Variants in ZNF724 observed in about 807,000 individuals in gnomAD.
ZNF724 encodes the protein zinc finger protein 724 pseudogene.
Under a neutral mutation model 29.3 loss-of-function variants are expected in ZNF724, and 14 were observed. That is an observed-to-expected ratio of 0.48 (90% CI 0.32 to 0.75). The LOEUF (loss-of-function observed/expected upper bound fraction) is 0.75. Among genes scored for constraint, ZNF724 ranks in the 30% least tolerant of loss-of-function variants. The pLI is 0.04. For synonymous variants in ZNF724, 180 were observed against 193.6 expected (o/e 0.93, Z 0.58); for missense variants, 557 against 571.2 (o/e 0.98, Z 0.25).
chr19:23,237,964 T>C (rs1192559292), intron 1 of ZNF724, among the ~76,000 whole-genome samples: 2 of 152,318 alleles, frequency 1.3e-5, no homozygotes, highest in South Asian at 2.1e-4. Context: ...CTGCATCTTT[T>C]AGTCTTTATC....
chr19:23,250,135 T>C, intron 1 of ZNF724, 105 bp downstream of exon 1: 2 of 551,890 alleles, frequency 3.6e-6, no homozygotes, highest in Non-Finnish European at 7.4e-6. Context: ...CAGGGCGCAG[T>C]TTGTGGAGAT....
At chr19:23,246,577 C>T (rs1972239998) in intron 1 of ZNF724, among the ~76,000 whole-genome samples, 2 of 151,880 alleles carry the variant, frequency 1.3e-5, no homozygotes, top group African/African-American at 2.4e-5. Context: ...ATTGCTTAAA[C>T]CCGGAGTCGG....
At chr19:23,235,335 G>A (rs1057417537) in intron 1 of ZNF724, among the ~76,000 whole-genome samples, 7 of 152,072 alleles carry the variant, frequency 4.6e-5, no homozygotes, top group African/African-American at 1.7e-4. Flanking sequence ...ACAGATGACA[G>A]GGATACAGAA....
Position 23,222,536 on chromosome 19 carries a change from G to C in ZNF724, c.1709C>G (p.Ala570Gly), listed in dbSNP as rs776109625. The change falls in exon 4 of 4, where the codon GCC (alanine) becomes GGC (glycine). Residue 570 changes from alanine to glycine, a missense_variant. Physicochemically the swap from Ala to Gly is moderately conservative, Grantham distance 60. Transcript: ENST00000418100. ...KPYKCEECGK[A>G]FNWSSTLTKH... is the part of the protein sequence containing the mutation. ...AGTCAGAGTTGAGGACCAATTAAAG[G>C]CTTTGCCACATTCTTCACATTTGTA... The C allele has an allele frequency of 7.3e-7, 1 of 1,363,912 alleles. No homozygotes were observed. Among genetic ancestry groups the C allele is most frequent in the South Asian group, 1.2e-5 (1 of 85,680 alleles). The allele number at this position is 1,363,912 out of a possible 1,614,324, so 84.5% of individuals were successfully genotyped here.
Position 23,232,169 on chromosome 19 carries a change from A to T in ZNF724, c.128T>A (p.Leu43Gln), listed in dbSNP as rs1185889180. The change falls in exon 2 of 4, where the codon CTG (leucine) becomes CAG (glutamine). Residue 43 changes from leucine to glutamine, a missense_variant and splice_region_variant. Leu to Gln is a moderately radical substitution (Grantham distance 113). Around this residue, in one of 3 missense-constraint regions of ZNF724, gnomAD observed 25 missense variants for 54.9 expected, o/e 0.46. Transcript: ENST00000418100. The stretch of plus-strand genomic sequence containing the variant: ...TTGTGTATTGAAGTTATTCTCACCC[A>T]GGAAGACCAGGTTTCTGTAGTTCTC... ...MLENYRNLVF[L>Q]GIAVSKPDLI... The T allele has an allele frequency of 7.5e-7, 1 of 1,342,172 alleles. No homozygotes were observed. Among genetic ancestry groups the T allele is most frequent in the African/African-American group, 1.4e-5 (1 of 69,526 alleles). 83.1% of individuals were successfully genotyped at this position (1,342,172 alleles called of 1,614,324 possible).
At chr19:23,239,366 A>G (rs1216327520) in intron 1 of ZNF724, among the ~76,000 whole-genome samples, 2 of 152,234 alleles carry the variant, frequency 1.3e-5, no homozygotes, top group Non-Finnish European at 2.9e-5. Context: ...GTCATACCAA[A>G]CACACACTTA....
rs563650616 is a variant in ZNF724 at position 23,222,848 on chromosome 19, G to A, written c.1397C>T (p.Thr466Ile). 2.1e-6 allele frequency: 3 copies of A among 1,413,308 alleles called. No homozygotes were observed. The highest frequency in any genetic ancestry group is 2.8e-5 in the African/African-American group (2 of 70,832). 87.5% of individuals were successfully genotyped at this position (1,413,308 alleles called of 1,614,324 possible). ...GKAFKRSSNL[T>I]EHRIIHTGEK... ...TCCAGTATGAATTATCCTATGTTCAGTAAGGTTTGAGGACCGCTTAAAAGC... is the reference window on the plus strand; with the variant it reads ...TCCAGTATGAATTATCCTATGTTCAATAAGGTTTGAGGACCGCTTAAAAGC... Residue 466 changes from threonine to isoleucine, a missense_variant, in exon 4 of 4, where the codon ACT becomes ATT. Transcript: ENST00000418100.
intron 3 of ZNF724, among the ~76,000 whole-genome samples, chr19:23,227,648 T>A (rs1282364336): frequency 2.6e-5 from 4 of 151,902 alleles, no homozygotes; most frequent in Non-Finnish European, 5.9e-5. Flanking sequence ...TTAAAGCCTC[T>A]GATATATAAA....
chr19:23,233,813 C>G (rs895421886), intron 1 of ZNF724, among the ~76,000 whole-genome samples: 3 of 148,680 alleles, frequency 2.0e-5, no homozygotes, highest in African/African-American at 7.5e-5. Context: ...AAAAAAAATG[C>G]CACTTTTTCC....
At chr19:23,238,715 C>T (rs1272390963) in intron 1 of ZNF724, among the ~76,000 whole-genome samples, 1 of 152,170 alleles carries the variant, frequency 6.6e-6, no homozygotes, top group African/African-American at 2.4e-5. Context: ...AGAAGACCAG[C>T]CTGGCCATCA....
chr19:23,249,825 C>T (rs985648450), intron 1 of ZNF724, among the ~76,000 whole-genome samples: 1 of 152,166 alleles, frequency 6.6e-6, no homozygotes, highest in African/African-American at 2.4e-5. Flanking sequence ...TGAACCAAAG[C>T]GCCCGGCCTG....
rs1031119413 is a variant in ZNF724, at chr19:23,223,639, T to C, written c.606A>G (p.Glu202=). Residue 202 remains glutamate, a synonymous_variant, in exon 4 of 4, where the codon GAA becomes GAG. Transcript: ENST00000418100. ...HTTVNSYKLE[E]CGKAFNVSST... ...AGGACACATTAAAGGCCTTGCCACA[T>C]TCTTCAAGTTTGTAGGAATTGACAG... The C allele has an allele frequency of 1.5e-5, 11 of 714,492 alleles. No homozygotes were observed. The Admixed American group carries it at 2.2e-4, about 14-fold the overall frequency. The allele number at this position is 714,492 out of a possible 1,614,324, so 44.3% of individuals were successfully genotyped here.
intron 1 of ZNF724, among the ~76,000 whole-genome samples, chr19:23,237,516 C>A (rs1972041172): frequency 6.6e-6 from 1 of 151,636 alleles, no homozygotes; most frequent in African/African-American, 2.4e-5. Flanking sequence ...AGTTATAATA[C>A]TTTATATTTC....
intron 1 of ZNF724, among the ~76,000 whole-genome samples, chr19:23,246,982 G>T (rs953605057): frequency 1.3e-5 from 2 of 152,120 alleles, no homozygotes; most frequent in African/African-American, 4.8e-5. Context: ...CAGCACTTTG[G>T]GAGGCCGAGG....
At chr19:23,248,857 T>C (rs1972292504) in intron 1 of ZNF724, among the ~76,000 whole-genome samples, 1 of 151,842 alleles carries the variant, frequency 6.6e-6, no homozygotes, top group Non-Finnish European at 1.5e-5. Flanking sequence ...TAGCCGGGCA[T>C]GGTGGTGGGC....
In ZNF724 at chr19:23,222,175, A is replaced by T. The variant is rs570116289; in HGVS notation, c.*210T>A. The T allele has an allele frequency of 2.0e-5, 9 of 453,876 alleles. No individual in the cohort carries two copies. The South Asian group carries it at 3.3e-4, about 17-fold the overall frequency. 28.1% of individuals were successfully genotyped at this position (453,876 alleles called of 1,614,324 possible). On this transcript the variant is annotated 3_prime_UTR_variant, in exon 4 of 4. Transcript: ENST00000418100. The stretch of plus-strand genomic sequence containing the variant: ...GTTTCCTCTACTATATTTTACCTAC[A>T]ATCAAGTATGACAACCATTTAAAGG...
At chr19:23,248,792 C>T (rs558652840) in intron 1 of ZNF724, among the ~76,000 whole-genome samples, 2 of 151,962 alleles carry the variant, frequency 1.3e-5, no homozygotes, top group African/African-American at 4.8e-5. Flanking sequence ...GTCAAAAGGT[C>T]GAGACCAGCC....
intron 1 of ZNF724, among the ~76,000 whole-genome samples, chr19:23,249,523 T>A (rs113184918): frequency 0.016 from 2,438 of 151,960 alleles, 59 homozygotes; most frequent in African/African-American, 0.055. Context: ...GTCAGCCTCC[T>A]GAGTAGCTGG....
chr19:23,223,478 C>T lies in ZNF724; in HGVS notation c.767G>A (p.Arg256His), dbSNP rs1345982228. Reference sequence around the variant, plus strand: ...GTTAAAAGCTTTTCCACATTCTTCACGTTTGTAGGATTTCTCTCCAGTATG... The same window carrying T: ...GTTAAAAGCTTTTCCACATTCTTCATGTTTGTAGGATTTCTCTCCAGTATG... ...IIHTGEKSYK[R>H]EECGKAFNIS... The change falls in exon 4 of 4, where the codon CGT (arginine) becomes CAT (histidine). Residue 256 changes from arginine to histidine, a missense_variant. By Grantham distance (29) the Arg-to-His change is conservative. Coordinates refer to ENST00000418100, the MANE Select transcript of ZNF724 (RefSeq NM_001355404.2). 19 of 756,446 alleles carry T rather than the reference C, an allele frequency of 2.5e-5. No homozygotes were observed. The highest frequency in any genetic ancestry group is 3.4e-5 in the Non-Finnish European group (14 of 406,914). 46.9% of individuals were successfully genotyped at this position (756,446 alleles called of 1,614,324 possible). A position where few individuals can be genotyped will look rare whatever the true frequency, so the allele number is the denominator to read the frequency against.
Sources: gnomAD v4.1 joint callset for allele counts (sites outside exome capture counted in the v4.1 genomes callset) on GRCh38, gnomAD v4.1.1 for gene constraint, gnomAD v4.1.1 regional missense constraint, MANE v1.5 for transcripts, NCBI Gene and HGNC (gene_info 2026-07-23, HGNC 2026-07-21) for gene names.